The following GRTP1 variants were observed in gnomAD, a reference collection of about 807,000 sequenced individuals.
GRTP1 encodes growth hormone-regulated TBC protein 1.
A neutral mutation model predicts 38.1 loss-of-function variants in GRTP1; 56 were observed. That is an observed-to-expected ratio of 1.47 (90% CI 1.19 to 1.84). GRTP1 has a LOEUF of 1.84. GRTP1 is among the 40% of genes most tolerant of loss of function. GRTP1 has a pLI of 0.00. For synonymous variants in GRTP1, 217 were observed against 189.5 expected (o/e 1.14, Z -1.19); for missense variants, 506 against 453.9 (o/e 1.11, Z -1.04).
chr13:113,333,838 AGTGTGTGTGTGTG>A (rs1397666980), intron 5 of GRTP1, among the ~76,000 whole-genome samples: 2 of 23,546 alleles, frequency 8.5e-5, no homozygotes, highest in Admixed American at 1.5e-3. Flanking sequence ...TTATTTATTT[AGTGTGTGTGTGTG>A]TGTGTGTGTG....
rs1276263844 is a variant in GRTP1, at chr13:113,355,313, A to G, written c.340+10T>C. ...GGCCCTGCACCAGAGCTCGACCCCC[A>G]CCGCCTCACCTGTCCTGATGGCGTC... On this transcript the variant is annotated intron_variant, in intron 3 of 7. Transcript: ENST00000375431. 1 of 1,612,566 alleles carries G rather than the reference A, an allele frequency of 6.2e-7. No individual in the cohort carries two copies. The highest frequency in any genetic ancestry group is 8.5e-7 in the Non-Finnish European group (1 of 1,179,384).
At chr13:113,331,083 CGGGAGCCCAGGTGTGTGCAT>C (rs1566416041) in intron 5 of GRTP1, among the ~76,000 whole-genome samples, 4 of 87,036 alleles carry the variant, frequency 4.6e-5, no homozygotes, top group South Asian at 4.4e-4. Context: ...GGTGTGTGCA[CGGGAGCCCAGGTGTGTGCAT>C]GGGAGCCCGG....
chr13:113,331,146 G>GAACCCGGGTGTGTGCATGGA (rs2042865057), intron 5 of GRTP1, among the ~76,000 whole-genome samples: 1 of 151,810 alleles, frequency 6.6e-6, no homozygotes, highest in African/African-American at 2.4e-5. Flanking sequence ...GTGTGCATGG[G>GAACCCGGGTGTGTGCATGGA]AACCCGGGTG....
intron 3 of GRTP1, among the ~76,000 whole-genome samples, chr13:113,353,984 C>T (rs925718066): frequency 3.3e-5 from 5 of 152,100 alleles, no homozygotes; most frequent in Non-Finnish European, 7.3e-5. Flanking sequence ...GCAGGAGGAT[C>T]GCTTGAGCCT....
Position 113,342,440 on chromosome 13 carries a change from G to A in GRTP1, c.562+2423C>T, listed in dbSNP as rs868450880. On this transcript the variant is annotated intron_variant, in intron 5 of 7. Transcript: ENST00000375431. This position sits in a 1 kb window ranked among gnomAD's most constrained non-coding sequence, Gnocchi z 4.5. ...GGAGAATGGCGTGAACCTGGGAGGC[G>A]GAGCTTGCAGTGAGCCATTGTGCCA... 1.3e-5 allele frequency among the ~76,000 whole-genome samples: 2 copies of A among 152,024 alleles called. No individual in the cohort carries two copies. The highest frequency in any genetic ancestry group is 2.9e-5 in the Non-Finnish European group (2 of 68,022).
rs1445326246 is a variant in GRTP1, at chr13:113,346,046, G to A, written c.466-1087C>T. Among the ~76,000 whole-genome samples the A allele has an allele frequency of 2.3e-4, 19 of 83,034 alleles. 1 individual carries two copies. The highest frequency in any genetic ancestry group is 7.6e-4 in the African/African-American group (17 of 22,302). The allele number at this position is 83,034 out of a possible 152,430, so 54.5% of individuals were successfully genotyped here. ...CAGACCTGGGAAGACATCTGTGGCC[G>A]AGAGCAGACCCGGGAGGACCTCTGC... On this transcript the variant is annotated intron_variant, in intron 4 of 7. Transcript: ENST00000375431.
At chr13:113,336,603 C>G (rs1018001923) in intron 5 of GRTP1, among the ~76,000 whole-genome samples, 1 of 82,294 alleles carries the variant, frequency 1.2e-5, no homozygotes, top group Non-Finnish European at 2.5e-5. Context: ...GTGGCCCTGC[C>G]TACACCTACA....
chr13:113,335,826 G>A (rs920059426), intron 5 of GRTP1, among the ~76,000 whole-genome samples: 5 of 151,160 alleles, frequency 3.3e-5, no homozygotes, highest in African/African-American at 1.2e-4. Flanking sequence ...GAGTCTTGCT[G>A]TTGTCGCCCA....
intron 5 of GRTP1, among the ~76,000 whole-genome samples, chr13:113,331,648 CTTTTTT>C (rs59328510): frequency 1.1e-5 from 1 of 92,984 alleles, no homozygotes; most frequent in South Asian, 4.2e-4. Flanking sequence ...GTTTGGTTTA[CTTTTTT>C]TTTTTTTTTT....
chr13:113,344,827 G>C (rs534556451), intron 5 of GRTP1, 36 bp downstream of exon 5: 2 of 1,568,090 alleles, frequency 1.3e-6, no homozygotes, highest in Admixed American at 4.0e-5. Context: ...CCAGAAACAG[G>C]ACAGTTCGGG....
In GRTP1 at chr13:113,364,041, G is replaced by C. The variant is rs191965264; in HGVS notation, c.11C>G (p.Ala4Gly). The change falls in exon 1 of 8, where the codon GCC (alanine) becomes GGC (glycine). Residue 4 changes from alanine (A) to glycine (G), a missense_variant. Coordinates refer to ENST00000375431, the MANE Select transcript of GRTP1 (RefSeq NM_024719.4). The part of the protein sequence containing the change: MQP[A>G]ERSRVPRIDP... ...ACACCTGGGGACCCGCGAGCGCTCG[G>C]CGGGCTGCATGCGGGGAGGGAGGCG... is the stretch of plus-strand genomic sequence containing the variant. The C allele has an allele frequency of 4.6e-6, 6 of 1,291,508 alleles. No individual in the cohort carries two copies. The African/African-American group carries it at 6.3e-5, about 14-fold the overall frequency. 80.0% of individuals were successfully genotyped at this position (1,291,508 alleles called of 1,614,324 possible). A position where few individuals can be genotyped will look rare whatever the true frequency, so the allele number is the denominator to read the frequency against.
rs1393312867 is a variant in GRTP1 at position 113,325,995 on chromosome 13, T to C, written c.659A>G (p.Glu220Gly). ...CAGCGTCCACAGCACACCGAGACGC[T>C]CCATCAGGGCCCCCACAGCCGGCAG... ...AKLPAVGALM[E>G]RLGVLWTLLV... is the part of the protein sequence containing the mutation. Residue 220 changes from glutamate to glycine, a missense_variant, in exon 6 of 8, where the codon GAG becomes GGG. Coordinates refer to ENST00000375431, the MANE Select transcript of GRTP1 (RefSeq NM_024719.4). 3 of 1,613,100 alleles carry C rather than the reference T, an allele frequency of 1.9e-6. No individual in the cohort carries two copies. Among genetic ancestry groups the C allele is most frequent in the Admixed American group, 3.3e-5 (2 of 59,942 alleles).
chr13:113,326,157 CAG>C, intron 5 of GRTP1, 66 bp from the exon 6 acceptor site: 1 of 1,573,206 alleles, frequency 6.4e-7, no homozygotes, highest in Admixed American at 1.7e-5. Flanking sequence ...CCATTCCCCT[CAG>C]AGCCAGACAA....
At chr13:113,354,252 C>A (rs2139514577) in intron 3 of GRTP1, among the ~76,000 whole-genome samples, 1 of 152,268 alleles carries the variant, frequency 6.6e-6, no homozygotes, top group African/African-American at 2.4e-5. Flanking sequence ...GCGGCCATCA[C>A]TCTGTGGTCA....
At chr13:113,347,341 C>T (rs1336310699) in intron 4 of GRTP1, among the ~76,000 whole-genome samples, 4 of 72,170 alleles carry the variant, frequency 5.5e-5, no homozygotes, top group Admixed American at 1.3e-4. Context: ...CCCGGGAGGA[C>T]CTCTGTGGCC....
Position 113,356,325 on chromosome 13 carries a change from T to C in GRTP1, c.182-844A>G, listed in dbSNP as rs563154363. Among the ~76,000 whole-genome samples, 8 of 152,248 alleles carry C rather than the reference T, an allele frequency of 5.3e-5. No homozygotes were observed. The East Asian group carries it at 1.4e-3, about 26-fold the overall frequency. ...TTCTGTCGCCCAGGCTGGAGTGCAG[T>C]GGTGCAATCTTGGCTCACTGTAACC... On this transcript the variant is annotated intron_variant, in intron 2 of 7. Coordinates refer to ENST00000375431, the MANE Select transcript of GRTP1 (RefSeq NM_024719.4).
chr13:113,351,102 C>T, intron 3 of GRTP1, 129 bp from the exon 4 acceptor site: 2 of 1,169,740 alleles, frequency 1.7e-6, no homozygotes, highest in Non-Finnish European at 2.5e-6. Flanking sequence ...CCTGGCCGCA[C>T]AGCAGACTCA....
At chr13:113,340,554 C>T (rs937350648) in intron 5 of GRTP1, among the ~76,000 whole-genome samples, 7 of 151,546 alleles carry the variant, frequency 4.6e-5, no homozygotes, top group East Asian at 2.0e-4. Context: ...CCAAGGTGGG[C>T]GGATCACCTG....
In GRTP1 at chr13:113,344,848, G is replaced by T. The variant is rs1024646627; in HGVS notation, c.562+15C>A. 6.3e-7 allele frequency: 1 copy of T among 1,593,064 alleles called. No individual in the cohort carries two copies. Among genetic ancestry groups the T allele is most frequent in the Non-Finnish European group, 8.5e-7 (1 of 1,174,454 alleles). On this transcript the variant is annotated intron_variant, in intron 5 of 7. Coordinates refer to ENST00000375431, the MANE Select transcript of GRTP1 (RefSeq NM_024719.4). The stretch of plus-strand genomic sequence containing the variant: ...ACAGGACAGTTCGGGCATACCGCAG[G>T]AATTTTCAACATACCTGGTAGTATT...
Sources: allele counts gnomAD v4.1 joint callset (sites outside exome capture counted in the v4.1 genomes callset), GRCh38; gene constraint gnomAD v4.1.1; non-coding constraint Gnocchi (gnomAD v3.1); transcripts MANE v1.5; gene names NCBI Gene and HGNC (gene_info 2026-07-23, HGNC 2026-07-21).